DPP10: variants seen among roughly 807,000 people sequenced by gnomAD.
The protein encoded by DPP10 is dipeptidyl peptidase like 10, also known as inactive dipeptidyl peptidase 10.
DPP10 carries 33 observed loss-of-function variants against 120.9 expected under a neutral mutation model. The ratio of observed to expected loss-of-function variants is 0.27; its 90% CI spans 0.21 to 0.37. DPP10 has a LOEUF of 0.37. Among genes scored for constraint, DPP10 ranks in the 10% least tolerant of loss-of-function variants. The pLI, the probability that DPP10 is intolerant of heterozygous loss-of-function variation, is 1.00. For missense variants in DPP10, 816 were observed against 942.8 expected (o/e 0.87, Z 1.76); for synonymous variants, 337 against 326.1 (o/e 1.03, Z -0.36).
chr2:114,657,255 T>C (rs1289908256), intron 1 of DPP10, among the ~76,000 whole-genome samples: 1 of 152,186 alleles, frequency 6.6e-6, no homozygotes, highest in African/African-American at 2.4e-5. Flanking sequence ...CTTTTTCTCC[T>C]GTAGTCATCA....
intron 1 of DPP10, among the ~76,000 whole-genome samples, chr2:115,249,861 A>C (rs1559312367): frequency 1.3e-5 from 2 of 152,188 alleles, no homozygotes; most frequent in Non-Finnish European, 2.9e-5. Flanking sequence ...TAATGAAATG[A>C]TCAAATAGTC....
intron 3 of DPP10, among the ~76,000 whole-genome samples, chr2:115,489,457 T>C (rs1386196208): frequency 6.6e-6 from 1 of 152,014 alleles, no homozygotes; most frequent in Non-Finnish European, 1.5e-5. Flanking sequence ...TCCTTCCTTT[T>C]GGAATTTAAG....
At chr2:114,716,819 T>C (rs965952218) in intron 1 of DPP10, among the ~76,000 whole-genome samples, 1 of 152,200 alleles carries the variant, frequency 6.6e-6, no homozygotes, top group Non-Finnish European at 1.5e-5. Flanking sequence ...ATTTTAGAAG[T>C]GTAAGGATCC....
intron 1 of DPP10, among the ~76,000 whole-genome samples, chr2:114,744,509 G>A (rs1390199017): frequency 6.6e-6 from 1 of 152,200 alleles, no homozygotes; most frequent in Admixed American, 6.5e-5. Context: ...AGATCAGAGA[G>A]GGAGTGATTC....
intron 1 of DPP10, among the ~76,000 whole-genome samples, chr2:115,137,088 TGTGGGAGGGAGAGAGGAGTTG>T (rs2050686665): frequency 6.6e-6 from 1 of 151,998 alleles, no homozygotes; most frequent in Admixed American, 6.6e-5. Flanking sequence ...TGAGGGTGTG[TGTGGGAGGGAGAGAGGAGTTG>T]GTGGGAAGAG....
intron 5 of DPP10, among the ~76,000 whole-genome samples, chr2:115,609,260 A>T (rs2083924941): frequency 6.6e-6 from 1 of 152,170 alleles, no homozygotes; most frequent in Admixed American, 6.6e-5. Context: ...AGCAGAGCTT[A>T]TTAGAATGAA....
chr2:115,582,042 A>C (rs1437757614), intron 5 of DPP10, among the ~76,000 whole-genome samples: 1 of 152,188 alleles, frequency 6.6e-6, no homozygotes, highest in East Asian at 1.9e-4. Context: ...GTTTTAGAGC[A>C]GGAGCAAAAG....
intron 3 of DPP10, among the ~76,000 whole-genome samples, chr2:115,371,614 A>G (rs1253798624): frequency 6.6e-6 from 1 of 152,054 alleles, no homozygotes; most frequent in Non-Finnish European, 1.5e-5. Flanking sequence ...TGTATTTATC[A>G]TTCCCAGTAT....
At chr2:114,942,295 A>ATG (rs1696969276) in intron 1 of DPP10, among the ~76,000 whole-genome samples, 1 of 130,422 alleles carries the variant, frequency 7.7e-6, no homozygotes, top group East Asian at 2.1e-4. Context: ...GTGTATATAT[A>ATG]TACATATATA....
chr2:115,254,259 G>A (rs894654740), intron 1 of DPP10, among the ~76,000 whole-genome samples: 1 of 152,200 alleles, frequency 6.6e-6, no homozygotes, highest in Admixed American at 6.5e-5. Flanking sequence ...AACAAAGAGA[G>A]TGCCAAAGAA....
intron 12 of DPP10, 40 bp downstream of exon 12, chr2:115,762,650 C>A (rs371827445): frequency 9.8e-5 from 157 of 1,607,200 alleles, no homozygotes; most frequent in Non-Finnish European, 1.2e-4. Flanking sequence ...GCCATTGTGA[C>A]CATCCTGTTC....
intron 1 of DPP10, among the ~76,000 whole-genome samples, chr2:114,789,755 G>A (rs1683085771): frequency 6.6e-6 from 1 of 152,176 alleles, no homozygotes; most frequent in Admixed American, 6.5e-5. Context: ...GATGGAGATG[G>A]GAAGTTAAAT....
intron 1 of DPP10, among the ~76,000 whole-genome samples, chr2:115,087,805 C>T (rs965595352): frequency 1.3e-5 from 2 of 152,068 alleles, no homozygotes; most frequent in South Asian, 2.1e-4. Context: ...CTGCCCACCT[C>T]GGCCTCCCAA....
chr2:115,715,608 G>T (rs1173583756), intron 7 of DPP10, among the ~76,000 whole-genome samples: 1 of 152,142 alleles, frequency 6.6e-6, no homozygotes, highest in Non-Finnish European at 1.5e-5. Flanking sequence ...AGCAACAGGG[G>T]CTGTGACTTA....
rs978834939 is a variant in DPP10, at chr2:114,859,383, G to A, written c.60+416545G>A. 2.1e-5 allele frequency among the ~76,000 whole-genome samples: 3 copies of A among 144,392 alleles called. No homozygotes were observed. The East Asian group carries it at 6.1e-4, about 30-fold the overall frequency. 94.7% of individuals were successfully genotyped at this position (144,392 alleles called of 152,430 possible). ...AACTCCGTCAAAAAAAAAAAAAAAA[G>A]AGAAAGAAAGAAAGAAATTATTTAG... is the stretch of plus-strand genomic sequence containing the variant. On this transcript the variant is annotated intron_variant, in intron 1 of 25. Transcript: ENST00000410059.
intron 1 of DPP10, among the ~76,000 whole-genome samples, chr2:115,001,480 A>G (rs1274322176): frequency 6.6e-6 from 1 of 152,148 alleles, no homozygotes. Flanking sequence ...CCGCTTGAGA[A>G]CCACGAGACA....
intron 1 of DPP10, among the ~76,000 whole-genome samples, chr2:114,513,017 GA>G (rs1430216972): frequency 2.0e-5 from 3 of 152,186 alleles, no homozygotes; most frequent in Admixed American, 2.0e-4. Context: ...AGAAGAAAAG[GA>G]GGAAGGGGGA....
chr2:115,367,963 G>T (rs572914140), intron 3 of DPP10, among the ~76,000 whole-genome samples: 1 of 152,160 alleles, frequency 6.6e-6, no homozygotes, highest in East Asian at 1.9e-4. Flanking sequence ...TCCTAGTTCT[G>T]CCTTCCTCTG....
At chr2:115,811,734 A>T (rs1575854530) in intron 19 of DPP10, among the ~76,000 whole-genome samples, 1 of 152,270 alleles carries the variant, frequency 6.6e-6, no homozygotes, top group East Asian at 1.9e-4. Context: ...GGGTCTGTTG[A>T]TTGCACTTTT....
Sources: gnomAD v4.1 joint callset for allele counts (sites outside exome capture counted in the v4.1 genomes callset) on GRCh38, gnomAD v4.1.1 for gene constraint, MANE v1.5 for transcripts, NCBI Gene and HGNC (gene_info 2026-07-23, HGNC 2026-07-21) for gene names.